Variants in PCDH11X observed in about 807,000 individuals in gnomAD.
PCDH11X encodes the protein protocadherin-11 X-linked.
Under a neutral mutation model 53.3 loss-of-function variants are expected in PCDH11X, and 18 were observed. That is an observed-to-expected ratio of 0.34 (90% CI 0.23 to 0.50). The LOEUF is 0.50. PCDH11X is among the 20% of genes least tolerant of loss of function. PCDH11X has a pLI of 0.98. For synonymous variants in PCDH11X, 279 were observed against 393.3 expected, an observed-to-expected ratio of 0.71 and a Z score of 3.44; for missense variants, 570 against 1,032.4, an observed-to-expected ratio of 0.55 and a Z score of 6.14.
At chrX:91,815,629 T>A (rs2147569191) in intron 4 of PCDH11X, among the ~76,000 whole-genome samples, 1 of 108,079 alleles carries the variant, frequency 9.3e-6, no homozygotes, top group South Asian at 4.1e-4. Context: ...AAATTGATTT[T>A]GCATTTTCTC....
intron 7 of PCDH11X, among the ~76,000 whole-genome samples, chrX:92,218,559 C>T (rs950036936): frequency 1.8e-5 from 2 of 110,750 alleles, no homozygotes; most frequent in African/African-American, 6.6e-5. Context: ...TAATCAATAG[C>T]TTACCAACCA....
intron 1 of PCDH11X, among the ~76,000 whole-genome samples, chrX:91,792,615 G>T (rs944981458): frequency 9.0e-6 from 1 of 110,663 alleles, no homozygotes; most frequent in African/African-American, 3.3e-5. Context: ...GATCACAAAA[G>T]AATTAGTAAG....
chrX:92,012,958 T>G (rs2062718578), intron 6 of PCDH11X, among the ~76,000 whole-genome samples: 1 of 111,850 alleles, frequency 8.9e-6, no homozygotes, highest in Admixed American at 9.5e-5. Flanking sequence ...GCATTCCCTT[T>G]GAAAACTGGC....
chrX:92,476,287 C>T (rs1301665379), intron 10 of PCDH11X, among the ~76,000 whole-genome samples: 1 of 111,853 alleles, frequency 8.9e-6, no homozygotes, highest in East Asian at 2.8e-4. Flanking sequence ...TACCTAGTCT[C>T]GTGTGTGTCT....
intron 8 of PCDH11X, among the ~76,000 whole-genome samples, chrX:92,334,659 C>T (rs2069572839): frequency 9.0e-6 from 1 of 111,302 alleles, no homozygotes; most frequent in African/African-American, 3.3e-5. Flanking sequence ...AATTGCTTGC[C>T]ATGTGCCATA....
chrX:92,061,804 G>GT (rs964938262), intron 6 of PCDH11X, among the ~76,000 whole-genome samples: 1 of 110,839 alleles, frequency 9.0e-6, no homozygotes, highest in Non-Finnish European at 1.9e-5. Context: ...TTGTTTGTTT[G>GT]TTTTTTAGTT....
chrX:92,441,099 A>C (rs970721724), intron 9 of PCDH11X, among the ~76,000 whole-genome samples: 1 of 109,293 alleles, frequency 9.1e-6, no homozygotes, highest in South Asian at 4.1e-4. Flanking sequence ...TGAACTTTAG[A>C]GAGATGACTT....
rs539429319 is a variant in PCDH11X at position 91,995,245 on chromosome X, A to C, written c.3033+115972A>C. Among the ~76,000 whole-genome samples the C allele has an allele frequency of 3.8e-3, 419 of 110,374 alleles. 3 individuals are homozygous for C. In the South Asian group the frequency reaches 0.058, roughly 15 times the overall value. On this transcript the variant is annotated intron_variant, in intron 6 of 10. Transcript: ENST00000682573. Reference sequence around the variant, plus strand: ...AAAAAAAAACAAAAAAACAAACAAAAAAAAAAACACTGCTGAGACAAATGT... The same window carrying C: ...AAAAAAAAACAAAAAAACAAACAAACAAAAAAACACTGCTGAGACAAATGT...
At chrX:91,981,115 T>C (rs2062130207) in intron 6 of PCDH11X, among the ~76,000 whole-genome samples, 2 of 105,189 alleles carry the variant, frequency 1.9e-5, no homozygotes, top group African/African-American at 3.4e-5. Flanking sequence ...TATATATATA[T>C]ATAGTGAGCA....
chrX:91,883,478 G>A lies in PCDH11X; in HGVS notation c.3033+4205G>A, dbSNP rs369724260. On this transcript the variant is annotated intron_variant, in intron 6 of 10. Coordinates refer to ENST00000682573, the MANE Select transcript of PCDH11X (RefSeq NM_032968.5). ...AAATATTCACTAACATAATATTGCT[G>A]AGAAAATCATTTTTATTACCCACCA... The A allele has an allele frequency of 8.4e-4, 629 of 752,562 alleles. 14 individuals carry two copies. In the South Asian group the frequency reaches 0.038, roughly 46 times the overall value. The allele number at this position is 752,562 out of a possible 1,213,427, so 62.0% of individuals were successfully genotyped here.
chrX:92,025,357 GAAAA>G (rs1353427746), intron 6 of PCDH11X, among the ~76,000 whole-genome samples: 1 of 99,530 alleles, frequency 1.0e-5, no homozygotes, highest in Non-Finnish European at 2.0e-5. Context: ...ATATTTACAA[GAAAA>G]AAAAACAAAC....
intron 6 of PCDH11X, among the ~76,000 whole-genome samples, chrX:91,968,957 C>T (rs1279559133): frequency 3.6e-5 from 4 of 110,960 alleles, no homozygotes; most frequent in South Asian, 3.8e-4. Flanking sequence ...TTAGAAAGTC[C>T]GAAATCTTAC....
intron 6 of PCDH11X, among the ~76,000 whole-genome samples, chrX:92,196,519 TA>T (rs1319986503): frequency 2.7e-5 from 3 of 111,552 alleles, no homozygotes; most frequent in African/African-American, 9.7e-5. Flanking sequence ...ACAATTGGGA[TA>T]AGTAAAAATA....
At chrX:92,307,828 A>G (rs977556345) in intron 8 of PCDH11X, among the ~76,000 whole-genome samples, 46 of 107,638 alleles carry the variant, frequency 4.3e-4, no homozygotes, top group Non-Finnish European at 7.3e-4. Flanking sequence ...GTTGGAGGAC[A>G]TAAAATTAAC....
At chrX:91,844,515 G>T (rs1233344545) in intron 5 of PCDH11X, among the ~76,000 whole-genome samples, 2 of 107,679 alleles carry the variant, frequency 1.9e-5, no homozygotes, top group Non-Finnish European at 3.8e-5. Flanking sequence ...TTTTAAAAAA[G>T]ATTTCCTCTC....
At chrX:92,165,949 G>T (rs5941042) in intron 6 of PCDH11X, among the ~76,000 whole-genome samples, 54,741 of 109,763 alleles carry the variant, frequency 0.5, 11,558 homozygotes, top group Non-Finnish European at 0.66. Context: ...GATATCATTT[G>T]CATTACATAA....
At chrX:91,792,621 G>GT (rs1269614030) in intron 1 of PCDH11X, among the ~76,000 whole-genome samples, 1 of 110,933 alleles carries the variant, frequency 9.0e-6, no homozygotes, top group Non-Finnish European at 1.9e-5. Context: ...AAAAGAATTA[G>GT]TAAGAACTTT....
chrX:92,243,303 A>G (rs1249038664), intron 7 of PCDH11X, among the ~76,000 whole-genome samples: 6 of 111,976 alleles, frequency 5.4e-5, no homozygotes, highest in Non-Finnish European at 1.1e-4. Context: ...GTTTAAATCA[A>G]GGTACATTAT....
At chrX:92,422,619 C>T (rs889675435) in intron 9 of PCDH11X, among the ~76,000 whole-genome samples, 74 of 111,179 alleles carry the variant, frequency 6.7e-4, no homozygotes, top group Non-Finnish European at 1.1e-3. Flanking sequence ...TATGAACATG[C>T]GTGTGCAAGT....
Sources: allele counts gnomAD v4.1 joint callset (sites outside exome capture counted in the v4.1 genomes callset), GRCh38; gene constraint gnomAD v4.1.1; transcripts MANE v1.5; gene names NCBI Gene and HGNC (gene_info 2026-07-23, HGNC 2026-07-21).